Variants in DISC1 observed in about 807,000 individuals in gnomAD.
The protein encoded by DISC1 is DISC1 scaffold protein.
In DISC1, 57 loss-of-function variants were observed where a neutral mutation model predicts 84.5. The observed-to-expected ratio is 0.67, with a 90% CI of 0.55 to 0.84. DISC1 has a LOEUF of 0.84. Among genes scored for constraint, DISC1 ranks in the 40% least tolerant of loss-of-function variants. The pLI is 0.00. For synonymous variants in DISC1, 411 were observed against 415.2 expected (o/e 0.99, Z 0.12); for missense variants, 1,000 against 1,057.8 (o/e 0.95, Z 0.76).
At chr1:231,876,946 T>C (rs7521943) in intron 9 of DISC1, among the ~76,000 whole-genome samples, 19,276 of 152,194 alleles carry the variant, frequency 0.13, 1,372 homozygotes, top group East Asian at 0.32. Context: ...GCTAAATGGT[T>C]CCACCTGGGT....
At chr1:231,659,373 T>C (rs2061395986) in intron 1 of DISC1, among the ~76,000 whole-genome samples, 1 of 152,212 alleles carries the variant, frequency 6.6e-6, no homozygotes, top group Admixed American at 6.5e-5. Context: ...TTCTCTCTTT[T>C]CCTCTTTGTT....
chr1:231,867,790 C>G (rs1047093513), intron 9 of DISC1, among the ~76,000 whole-genome samples: 1 of 152,136 alleles, frequency 6.6e-6, no homozygotes, highest in East Asian at 1.9e-4. Context: ...AACTGGAAAC[C>G]CTGGTTAGGA....
At chr1:231,776,509 G>T (rs2076975296) in intron 6 of DISC1, among the ~76,000 whole-genome samples, 1 of 152,212 alleles carries the variant, frequency 6.6e-6, no homozygotes, top group African/African-American at 2.4e-5. Context: ...GAGCCTCGCG[G>T]CAGGGCTGGG....
chr1:232,036,038 C>T (rs553088072), intron 12 of DISC1, among the ~76,000 whole-genome samples: 1 of 152,222 alleles, frequency 6.6e-6, no homozygotes, highest in South Asian at 2.1e-4. Context: ...CTCTCTTTGC[C>T]CTTTGATGGA....
chr1:231,724,150 A>T, intron 3 of DISC1: 1 of 534,108 alleles, frequency 1.9e-6, no homozygotes, highest in Non-Finnish European at 2.4e-6. Flanking sequence ...TTGGCTTTGC[A>T]TGCTCAATTG....
At chr1:231,720,390 G>A (rs569232823) in intron 3 of DISC1, among the ~76,000 whole-genome samples, 2 of 151,914 alleles carry the variant, frequency 1.3e-5, no homozygotes, top group African/African-American at 4.8e-5. Flanking sequence ...TCCAGCTGGG[G>A]TGCAGTGGCA....
At chr1:231,945,683 T>C (rs1657035669) in intron 9 of DISC1, among the ~76,000 whole-genome samples, 1 of 152,148 alleles carries the variant, frequency 6.6e-6, no homozygotes, top group Non-Finnish European at 1.5e-5. Context: ...AGCTGGTTTT[T>C]TGAAAAGATC....
intron 3 of DISC1, among the ~76,000 whole-genome samples, chr1:231,728,449 C>T (rs1368911240): frequency 6.6e-6 from 1 of 152,164 alleles, no homozygotes; most frequent in Non-Finnish European, 1.5e-5. Flanking sequence ...TAGCACCTAC[C>T]AGGAGTTCCC....
intron 9 of DISC1, among the ~76,000 whole-genome samples, chr1:231,940,424 G>T (rs189044249): frequency 8.9e-4 from 136 of 152,274 alleles, no homozygotes; most frequent in Non-Finnish European, 5.7e-4. Flanking sequence ...ATTTGCAGGC[G>T]CAATTATATG....
At chr1:231,962,259 C>T (rs1002018442) in intron 10 of DISC1, among the ~76,000 whole-genome samples, 1 of 151,982 alleles carries the variant, frequency 6.6e-6, no homozygotes, top group South Asian at 2.1e-4. Flanking sequence ...GTTTAAGTTC[C>T]TTATGGATTC....
chr1:231,943,302 T>C (rs12127507), intron 9 of DISC1, among the ~76,000 whole-genome samples: 29,542 of 152,302 alleles, frequency 0.19, 3,756 homozygotes, highest in East Asian at 0.7. Flanking sequence ...CACATGGCGA[T>C]GCACCAGCAT....
chr1:231,836,636 C>T (rs1027006758), intron 9 of DISC1, among the ~76,000 whole-genome samples: 1 of 152,160 alleles, frequency 6.6e-6, no homozygotes, highest in Admixed American at 6.5e-5. Context: ...TGTCTTCCCA[C>T]GGCTTTTGGC....
intron 10 of DISC1, among the ~76,000 whole-genome samples, chr1:232,006,606 A>T (rs369292794): frequency 7.9e-5 from 12 of 152,192 alleles, no homozygotes; most frequent in African/African-American, 2.4e-4. Flanking sequence ...TTATGCATTC[A>T]TGAAGAGATG....
intron 4 of DISC1, among the ~76,000 whole-genome samples, chr1:231,756,521 GAGAGAGAGAGAGAGA>G: frequency 1.5e-4 from 1 of 6,702 alleles, no homozygotes; most frequent in Non-Finnish European, 8.5e-4. Flanking sequence ...AATATCGAGA[GAGAGAGAGAGAGAGA>G]GAGAGAGAGA....
intron 3 of DISC1, 149 bp downstream of exon 3, chr1:231,702,173 C>A: frequency 2.1e-6 from 3 of 1,408,614 alleles, no homozygotes; most frequent in Admixed American, 3.5e-5. Flanking sequence ...TCTTTTACAG[C>A]ATTATTGTTT....
rs186829449 is a variant in DISC1, at chr1:231,886,800, T to C, written c.1981+68283T>C. 4.4e-3 allele frequency among the ~76,000 whole-genome samples: 617 copies of C among 141,038 alleles called. 4 individuals are homozygous for C. Among genetic ancestry groups the C allele is most frequent in the African/African-American group, 0.017 (588 of 35,532 alleles). The allele number at this position is 141,038 out of a possible 152,430, so 92.5% of individuals were successfully genotyped here. Reference sequence around the variant, plus strand: ...CTTTCTTTCTTTCTTTCTTTCTTTCTTTCTTTCTTTCTTTCTTTCTTTCTT... The same window carrying C: ...CTTTCTTTCTTTCTTTCTTTCTTTCCTTCTTTCTTTCTTTCTTTCTTTCTT... On this transcript the variant is annotated intron_variant, in intron 9 of 12. Transcript: ENST00000439617.
chr1:231,996,525 C>T (rs1257256195), intron 10 of DISC1, among the ~76,000 whole-genome samples: 1 of 152,014 alleles, frequency 6.6e-6, no homozygotes, highest in Non-Finnish European at 1.5e-5. Flanking sequence ...ATACTAATGC[C>T]CTTTAAGTGA....
Position 231,826,101 on chromosome 1 carries a change from A to T in DISC1, c.1981+7584A>T, listed in dbSNP as rs1416564900. 5.3e-5 allele frequency among the ~76,000 whole-genome samples: 8 copies of T among 152,180 alleles called. No individual in the cohort carries two copies. Among genetic ancestry groups the T allele is most frequent in the Non-Finnish European group, 1.2e-4 (8 of 68,038 alleles). On this transcript the variant is annotated intron_variant, in intron 9 of 12. Transcript: ENST00000439617. The surrounding 1 kb of genome is among the most constrained non-coding windows in gnomAD (Gnocchi z 4.2). ...CTTGAGAACTAAGCACTGTGCTAAG[A>T]CTTGACATACTTTAGTCATCTCATC...
intron 12 of DISC1, among the ~76,000 whole-genome samples, chr1:232,027,376 G>A (rs1231626925): frequency 3.9e-5 from 6 of 152,118 alleles, no homozygotes; most frequent in Non-Finnish European, 5.9e-5. Context: ...TCTGCTTCCC[G>A]GTGATAGAAT....
Sources: allele counts gnomAD v4.1 joint callset (sites outside exome capture counted in the v4.1 genomes callset), GRCh38; gene constraint gnomAD v4.1.1; non-coding constraint Gnocchi (gnomAD v3.1); transcripts MANE v1.5; gene names NCBI Gene and HGNC (gene_info 2026-07-23, HGNC 2026-07-21).